Variants in PCSK5 observed in about 807,000 individuals in gnomAD.
The protein encoded by PCSK5 is prohormone convertase 5.
In PCSK5, 129 loss-of-function variants were observed where a neutral mutation model predicts 233.2. The ratio of observed to expected loss-of-function variants is 0.55; its 90% CI spans 0.48 to 0.64. PCSK5 has a LOEUF of 0.64. Ranked by LOEUF, PCSK5 falls within the 30% of genes least tolerant of loss-of-function variation. The probability of loss-of-function intolerance (pLI) is 0.00; values close to 1 mark genes in which losing one functional copy is unlikely to be tolerated. For synonymous variants in PCSK5, 825 were observed against 879.2 expected (o/e 0.94, Z 1.09); for missense variants, 2,076 against 2,430.1 (o/e 0.85, Z 3.06).
At position 76,328,215 on chromosome 9, in the gene PCSK5, T is replaced by C; in HGVS notation, c.4546T>C (p.Cys1516Arg). 1 of 1,612,538 alleles carries C rather than the reference T, an allele frequency of 6.2e-7. No individual in the cohort carries two copies. Among genetic ancestry groups the C allele is most frequent in the Non-Finnish European group, 8.5e-7 (1 of 1,179,582 alleles). The change falls in exon 33 of 38, where the codon TGC becomes CGC. Residue 1516 changes from cysteine (C) to arginine (R), a missense_variant. Cys to Arg is a radical substitution (Grantham distance 180). Around this residue, in one of 6 missense-constraint regions of PCSK5, gnomAD observed 1,510 missense variants for 1,538.1 expected, o/e 0.98. Transcript: ENST00000674117. ...GCCGGCGGAGGACCAGTGTCAAACATGCCCCATGAACAGCCTTCTTCTCAG... is the reference window on the plus strand; with the variant it reads ...GCCGGCGGAGGACCAGTGTCAAACACGCCCCATGAACAGCCTTCTTCTCAG... ...MGPAEDQCQT[C>R]PMNSLLLNTT...
intron 2 of PCSK5, among the ~76,000 whole-genome samples, chr9:75,939,845 T>C (rs918284235): frequency 6.6e-6 from 1 of 152,174 alleles, no homozygotes; most frequent in Non-Finnish European, 1.5e-5. Flanking sequence ...TATGGGCCAG[T>C]TTTTATCCAA....
intron 2 of PCSK5, among the ~76,000 whole-genome samples, chr9:75,966,795 A>G (rs1825605222): frequency 6.6e-6 from 1 of 152,240 alleles, no homozygotes; most frequent in Non-Finnish European, 1.5e-5. Flanking sequence ...TCACTTGGGC[A>G]GGGTCACATA....
rs749185093 is a variant in PCSK5, at chr9:76,296,872, GC to G, written c.3523+13del. ...GAGGGCAAATTCTGGAATGGTATGT[GC>G]CCCCCAAAAAAGAGGTCACAGGGGT... is the stretch of plus-strand genomic sequence containing the variant. On this transcript the variant is annotated splice_region_variant and intron_variant, in intron 27 of 37. Coordinates refer to ENST00000674117, the MANE Select transcript of PCSK5 (RefSeq NM_001372043.1). The G allele has an allele frequency of 2.0e-5, 32 of 1,587,686 alleles. No individual in the cohort carries two copies. The African/African-American group carries it at 2.5e-4, about 12-fold the overall frequency.
At chr9:76,264,231 G>C (rs1827267207) in intron 24 of PCSK5, among the ~76,000 whole-genome samples, 1 of 152,148 alleles carries the variant, frequency 6.6e-6, no homozygotes, top group Non-Finnish European at 1.5e-5. Context: ...TTGATAAATG[G>C]TGCTGGGATA....
intron 20 of PCSK5, chr9:76,194,362 G>A (rs1824581755): frequency 6.6e-6 from 1 of 152,106 alleles, no homozygotes; most frequent in African/African-American, 2.4e-5. Context: ...TTAAGAAATG[G>A]AATTTATTTA....
intron 35 of PCSK5, 30 bp from the exon 36 acceptor site, chr9:76,350,798 T>C (rs1294814461): frequency 7.8e-7 from 1 of 1,274,442 alleles, no homozygotes; most frequent in Admixed American, 1.7e-5. Context: ...CTAAGGTCAA[T>C]CTCATAACTT....
chr9:76,153,118 T>TTC, intron 10 of PCSK5, among the ~76,000 whole-genome samples: 1 of 152,100 alleles, frequency 6.6e-6, no homozygotes, highest in Non-Finnish European at 1.5e-5. Flanking sequence ...CTTATACCTA[T>TTC]CAAAATGTAA....
chr9:75,906,823 G>C (rs1826283845), intron 1 of PCSK5, among the ~76,000 whole-genome samples: 2 of 152,164 alleles, frequency 1.3e-5, no homozygotes, highest in African/African-American at 4.8e-5. Flanking sequence ...TCCTGAAATA[G>C]TTTTTCCATC....
chr9:76,153,578 G>A (rs930911136), intron 10 of PCSK5, among the ~76,000 whole-genome samples: 2 of 152,062 alleles, frequency 1.3e-5, no homozygotes, highest in Non-Finnish European at 1.5e-5. Context: ...GATTACTTTC[G>A]TTATGGAATG....
At chr9:76,014,032 C>T (rs1335540455) in intron 3 of PCSK5, among the ~76,000 whole-genome samples, 2 of 149,754 alleles carry the variant, frequency 1.3e-5, no homozygotes, top group Non-Finnish European at 2.9e-5. Context: ...ACATTCTACT[C>T]ATTTTTTAAA....
At chr9:76,021,778 G>A (rs1828202670) in intron 3 of PCSK5, among the ~76,000 whole-genome samples, 1 of 152,158 alleles carries the variant, frequency 6.6e-6, no homozygotes, top group Non-Finnish European at 1.5e-5. Flanking sequence ...TAAGGGATGA[G>A]GTTTGGAAAG....
chr9:76,228,483 G>A (rs1327716991), intron 21 of PCSK5, among the ~76,000 whole-genome samples: 2 of 152,136 alleles, frequency 1.3e-5, no homozygotes, highest in Non-Finnish European at 2.9e-5. Flanking sequence ...TTGATCTCTA[G>A]TACCTACCAC....
intron 9 of PCSK5, among the ~76,000 whole-genome samples, chr9:76,118,829 T>C (rs1832528705): frequency 6.6e-6 from 1 of 152,060 alleles, no homozygotes; most frequent in Admixed American, 6.6e-5. Flanking sequence ...GCTTTTAGTA[T>C]AACTCCTAAT....
intron 2 of PCSK5, among the ~76,000 whole-genome samples, chr9:75,963,132 C>T: frequency 6.6e-6 from 1 of 151,782 alleles, no homozygotes; most frequent in East Asian, 1.9e-4. Flanking sequence ...TTTTAATTAC[C>T]ATATAAAAGC....
intron 1 of PCSK5, among the ~76,000 whole-genome samples, chr9:75,927,321 C>A (rs1427023985): frequency 6.6e-6 from 1 of 152,070 alleles, no homozygotes; most frequent in Admixed American, 6.5e-5. Context: ...AAAGGAGGTA[C>A]AGAATTTGGA....
At chr9:76,009,543 C>G (rs1827634436) in intron 3 of PCSK5, among the ~76,000 whole-genome samples, 1 of 151,588 alleles carries the variant, frequency 6.6e-6, no homozygotes. Context: ...AGGAGAATCA[C>G]TTGAACCCGG....
intron 24 of PCSK5, among the ~76,000 whole-genome samples, chr9:76,267,950 TACACACACACACACAC>T (rs10539241): frequency 6.7e-6 from 1 of 149,314 alleles, no homozygotes; most frequent in African/African-American, 2.5e-5. Flanking sequence ...CTTATGGGTA[TACACACACACACACAC>T]ACACACACAC....
chr9:76,128,384 C>T (rs573077954), intron 9 of PCSK5, among the ~76,000 whole-genome samples: 6 of 152,250 alleles, frequency 3.9e-5, no homozygotes, highest in South Asian at 4.1e-4. Flanking sequence ...TTCATAATTG[C>T]GATTTGATTT....
chr9:76,227,630 G>A (rs564362814), intron 21 of PCSK5, 25 bp downstream of exon 21: 31 of 1,453,304 alleles, frequency 2.1e-5, no homozygotes, highest in Non-Finnish European at 2.5e-5. Flanking sequence ...AGGATCTCCC[G>A]GTGGTGTGAG....
Sources: allele counts gnomAD v4.1 joint callset (sites outside exome capture counted in the v4.1 genomes callset), GRCh38; gene constraint gnomAD v4.1.1; regional missense constraint gnomAD v4.1.1; transcripts MANE v1.5; gene names NCBI Gene and HGNC (gene_info 2026-07-23, HGNC 2026-07-21).